CEP85: variants seen among roughly 807,000 people sequenced by gnomAD.
CEP85 encodes the protein centrosomal protein 85.
A neutral mutation model predicts 93.7 loss-of-function variants in CEP85; 58 were observed. That is an observed-to-expected ratio of 0.62 (90% CI 0.50 to 0.77). The LOEUF (loss-of-function observed/expected upper bound fraction) is 0.77, where lower values mean the gene tolerates loss of function less well. CEP85 is among the 30% of genes least tolerant of loss of function. The probability of loss-of-function intolerance (pLI) is 0.00; values close to 1 mark genes in which losing one functional copy is unlikely to be tolerated. For synonymous variants in CEP85, 314 were observed against 338.6 expected (o/e 0.93, Z 0.80); for missense variants, 868 against 922.0 (o/e 0.94, Z 0.76).
chr1:26,248,722 C>CTATTTTTTT (rs2089551003), intron 3 of CEP85, among the ~76,000 whole-genome samples: 1 of 56,194 alleles, frequency 1.8e-5, no homozygotes, highest in African/African-American at 8.1e-5. Context: ...GTCTTGAACT[C>CTATTTTTTT]TTTTTTTTTT....
Position 26,268,548 on chromosome 1 carries a change from C to A in CEP85, c.1407C>A (p.Asn469Lys). 1 of 1,614,064 alleles carries A rather than the reference C, an allele frequency of 6.2e-7. No individual in the cohort carries two copies. Among genetic ancestry groups the A allele is most frequent in the Non-Finnish European group, 8.5e-7 (1 of 1,179,988 alleles). Reference sequence around the variant, plus strand: ...AATGCCAGAAGGAATCAGAGCAGAACCGGGAGAAGCAGCAGCGTATTGAGA... The same window carrying A: ...AATGCCAGAAGGAATCAGAGCAGAAACGGGAGAAGCAGCAGCGTATTGAGA... Reference protein sequence around the residue: ...KKKCQKESEQNREKQQRIETL... With the variant: ...KKKCQKESEQKREKQQRIETL... Residue 469 changes from asparagine (N) to lysine (K), a missense_variant, in exon 8 of 14, where the codon AAC becomes AAA. Transcript: ENST00000451429.
In CEP85 at chr1:26,275,066, A is replaced by C. The variant is rs1430790441; in HGVS notation, c.1897A>C (p.Lys633Gln). ...SALQQLRTAV[K>Q]ELSVQNQDLI... ...CCTGCAGCAGCTGCGCACAGCCGTG[A>C]AGGAGGTGAGCAACATTAGTCAGAC... is the stretch of plus-strand genomic sequence containing the variant. Residue 633 changes from lysine to glutamine, a missense_variant, in exon 12 of 14, where the codon AAG becomes CAG. Transcript: ENST00000451429. The C allele has an allele frequency of 1.9e-6, 3 of 1,569,480 alleles. No individual in the cohort carries two copies. The highest frequency in any genetic ancestry group is 2.6e-6 in the Non-Finnish European group (3 of 1,157,048).
chr1:26,244,640 C>T (rs1006035016), intron 3 of CEP85, among the ~76,000 whole-genome samples: 4 of 152,092 alleles, frequency 2.6e-5, no homozygotes, highest in Non-Finnish European at 5.9e-5. Context: ...CCCACCTCAG[C>T]CTCCTAGGTA....
chr1:26,249,749 G>C (rs1192166777), intron 3 of CEP85, among the ~76,000 whole-genome samples: 3 of 152,112 alleles, frequency 2.0e-5, no homozygotes, highest in African/African-American at 7.2e-5. Flanking sequence ...TTTAGGGTGG[G>C]GAGGGGTCAT....
At chr1:26,240,993 A>T (rs1259097148) in intron 2 of CEP85, among the ~76,000 whole-genome samples, 3 of 152,162 alleles carry the variant, frequency 2.0e-5, no homozygotes, top group Non-Finnish European at 4.4e-5. Flanking sequence ...AGGCATATTA[A>T]GTAGATAATA....
Position 26,278,431 on chromosome 1 carries a change from A to G in CEP85, c.*1138A>G, listed in dbSNP as rs1337807969. ...CTCTAGATCTGGAGCCAGGCCAGGC[A>G]GGGGCCACGTGTGGGCCAGTCAGCC... On this transcript the variant is annotated 3_prime_UTR_variant, in exon 14 of 14. Transcript: ENST00000451429. 1 of 152,678 alleles carries G rather than the reference A, an allele frequency of 6.5e-6. No homozygotes were observed. The highest frequency in any genetic ancestry group is 1.5e-5 in the Non-Finnish European group (1 of 68,050). 9.5% of individuals were successfully genotyped at this position (152,678 alleles called of 1,614,324 possible). A position where few individuals can be genotyped will look rare whatever the true frequency, so the allele number is the denominator to read the frequency against.
chr1:26,275,595 T>A (rs1159496390), intron 12 of CEP85, among the ~76,000 whole-genome samples: 2 of 152,150 alleles, frequency 1.3e-5, no homozygotes, highest in Non-Finnish European at 2.9e-5. Flanking sequence ...TGCTTTTTGA[T>A]GGGGAAAGTC....
chr1:26,242,837 C>A (rs1384122758), intron 2 of CEP85, among the ~76,000 whole-genome samples: 1 of 152,060 alleles, frequency 6.6e-6, no homozygotes, highest in East Asian at 1.9e-4. Flanking sequence ...ACCAGATACA[C>A]CTTAGGAAAA....
At chr1:26,256,341 G>T (rs1314347466) in intron 4 of CEP85, among the ~76,000 whole-genome samples, 1 of 151,970 alleles carries the variant, frequency 6.6e-6, no homozygotes, top group Admixed American at 6.6e-5. Context: ...GACCAGCCTG[G>T]CCAGCAGAGT....
intron 8 of CEP85, 159 bp from the exon 9 acceptor site, chr1:26,269,301 C>A: frequency 1.5e-6 from 1 of 647,306 alleles, no homozygotes; most frequent in Non-Finnish European, 2.7e-6. Context: ...ACCATTGTTC[C>A]ATCTGCGAGG....
At chr1:26,264,990 T>A (rs2124599154) in intron 7 of CEP85, among the ~76,000 whole-genome samples, 1 of 143,894 alleles carries the variant, frequency 6.9e-6, no homozygotes, top group South Asian at 2.3e-4. Context: ...CTTTTTTTTT[T>A]TTTTTTTTTT....
intron 3 of CEP85, among the ~76,000 whole-genome samples, chr1:26,247,931 G>C (rs1398602491): frequency 6.6e-6 from 1 of 152,162 alleles, no homozygotes; most frequent in African/African-American, 2.4e-5. Flanking sequence ...AAAGTGCTGG[G>C]ATTACAGGTG....
Position 26,268,471 on chromosome 1 carries a change from T to G in CEP85, c.1342-12T>G, listed in dbSNP as rs1432671906. The G allele has an allele frequency of 3.1e-6, 5 of 1,613,846 alleles. No homozygotes were observed. The African/African-American group carries it at 5.3e-5, about 17-fold the overall frequency. Reference sequence around the variant, plus strand: ...TGAATGGTGGAGACAGACTTGACATTTATTTTCCTAGGTCAAAGGTCGTGA... The same window carrying G: ...TGAATGGTGGAGACAGACTTGACATGTATTTTCCTAGGTCAAAGGTCGTGA... On this transcript the variant is annotated splice_polypyrimidine_tract_variant and intron_variant, in intron 7 of 13. Transcript: ENST00000451429.
intron 1 of CEP85, among the ~76,000 whole-genome samples, chr1:26,235,565 TTC>T (rs1491436276): frequency 3.0e-5 from 3 of 99,860 alleles, no homozygotes; most frequent in African/African-American, 1.2e-4. Context: ...TAGATTGTAA[TTC>T]TTTTTTTTTT....
intron 2 of CEP85, 101 bp downstream of exon 2, chr1:26,239,939 T>TG (rs1303794724): frequency 1.2e-6 from 1 of 867,898 alleles, no homozygotes; most frequent in African/African-American, 1.7e-5. Flanking sequence ...ACTGAAATGC[T>TG]GGTGCTAAAA....
intron 2 of CEP85, among the ~76,000 whole-genome samples, chr1:26,240,652 T>C (rs2089407218): frequency 6.6e-6 from 1 of 152,176 alleles, no homozygotes; most frequent in Non-Finnish European, 1.5e-5. Flanking sequence ...CCCAGCACTT[T>C]GGGAGCCCAA....
rs1468085405 is a variant in CEP85 at position 26,259,633 on chromosome 1, A to T, written c.1172A>T (p.Asn391Ile). Residue 391 changes from asparagine (N) to isoleucine (I), a missense_variant, in exon 7 of 14, where the codon AAC becomes ATC. Transcript: ENST00000451429. ...LLRLQELQRE[N>I]TFLRAQFAQK... The stretch of plus-strand genomic sequence containing the variant: ...TTCTGGCAGGAATTGCAGCGAGAAA[A>T]CACTTTCTTACGTGCACAGTTTGCA... The T allele has an allele frequency of 6.2e-7, 1 of 1,607,748 alleles. No individual in the cohort carries two copies. The highest frequency in any genetic ancestry group is 2.2e-5 in the East Asian group (1 of 44,800).
intron 2 of CEP85, among the ~76,000 whole-genome samples, chr1:26,240,088 ACTTTGGAACATAGTTCCAT>A (rs1345053897): frequency 1.3e-5 from 2 of 152,188 alleles, no homozygotes; most frequent in Non-Finnish European, 2.9e-5. Flanking sequence ...GAACAGAATG[ACTTTGGAACATAGTTCCAT>A]TTGAAATCAG....
At chr1:26,274,918 T>C in intron 11 of CEP85, 46 bp from the exon 12 acceptor site, 1 of 1,469,632 alleles carries the variant, frequency 6.8e-7, no homozygotes, top group East Asian at 2.5e-5. Context: ...TGAACCAGAC[T>C]TGTTACCCCT....
Sources: allele counts gnomAD v4.1 joint callset (sites outside exome capture counted in the v4.1 genomes callset), GRCh38; gene constraint gnomAD v4.1.1; transcripts MANE v1.5; gene names NCBI Gene and HGNC (gene_info 2026-07-23, HGNC 2026-07-21).